The following B4GALNT2 variants were observed in gnomAD, a reference collection of about 807,000 sequenced individuals.
B4GALNT2 encodes the protein N-acetylneuraminylgalactosylglucosyl-glucoside beta-1,4-N- acetylgalactosaminyltransferase 2.
In B4GALNT2, 42 loss-of-function variants were observed where a neutral mutation model predicts 51.1. The ratio of observed to expected loss-of-function variants is 0.82; its 90% CI spans 0.64 to 1.06. The LOEUF is 1.06. B4GALNT2 is among the 50% of genes least tolerant of loss of function. B4GALNT2 has a pLI of 0.00. For missense variants in B4GALNT2, 602 were observed against 633.6 expected, an observed-to-expected ratio of 0.95 and a Z score of 0.54; for synonymous variants, 253 against 251.7, an observed-to-expected ratio of 1.01 and a Z score of -0.05.
chr17:49,148,977 A>G (rs1490690391), intron 3 of B4GALNT2: 2 of 159,330 alleles, frequency 1.3e-5, no homozygotes, highest in Non-Finnish European at 2.7e-5. Context: ...AATCGTCTGA[A>G]CCTGGGCGGT....
intron 1 of B4GALNT2, 56 bp downstream of exon 1, chr17:49,132,862 GC>G: frequency 7.3e-7 from 1 of 1,369,392 alleles, no homozygotes; most frequent in Non-Finnish European, 9.4e-7. Context: ...AGCAGGGAGC[GC>G]CGCGGGTCCT....
At chr17:49,121,289 T>A in the B4GALNT2 span, among the ~76,000 whole-genome samples, 1 of 152,162 alleles carries the variant, frequency 6.6e-6, no homozygotes, top group Non-Finnish European at 1.5e-5. Context: ...CATCACCACC[T>A]TTTTGGGGTG....
chr17:49,162,628 G>T (rs955947294), intron 7 of B4GALNT2, among the ~76,000 whole-genome samples: 1 of 152,138 alleles, frequency 6.6e-6, no homozygotes, highest in East Asian at 1.9e-4. Context: ...AACAGAATGG[G>T]CTGGGCTCAG....
At chr17:49,163,756 CAAAAAAAAAAA>C (rs10589274) in intron 7 of B4GALNT2, among the ~76,000 whole-genome samples, 17 of 91,132 alleles carry the variant, frequency 1.9e-4, no homozygotes, top group African/African-American at 7.0e-4. Context: ...AACTCCGTAT[CAAAAAAAAAAA>C]AAAAAAAAAA....
chr17:49,154,897 C>A (rs570591716), intron 4 of B4GALNT2, among the ~76,000 whole-genome samples: 1 of 152,134 alleles, frequency 6.6e-6, no homozygotes, highest in African/African-American at 2.4e-5. Flanking sequence ...ATTAGTCCTA[C>A]TATGAGAACA....
intron 8 of B4GALNT2, 25 bp downstream of exon 8, chr17:49,164,300 CA>C (rs1430827456): frequency 6.3e-7 from 1 of 1,589,660 alleles, no homozygotes; most frequent in East Asian, 2.2e-5. Flanking sequence ...GATTGGGTGG[CA>C]CCTGCATTCC....
At chr17:49,161,890 A>G (rs1009890798) in intron 7 of B4GALNT2, among the ~76,000 whole-genome samples, 4 of 151,788 alleles carry the variant, frequency 2.6e-5, no homozygotes, top group Admixed American at 1.3e-4. Context: ...TGTAGTTTCA[A>G]AAAACATTCT....
intron 3 of B4GALNT2, 83 bp downstream of exon 3, chr17:49,142,255 A>C: frequency 6.5e-7 from 1 of 1,542,924 alleles, no homozygotes; most frequent in Non-Finnish European, 8.8e-7. Context: ...TCTTAAGAGA[A>C]AAAGCAGGAA....
At chr17:49,146,645 A>G (rs12450183) in intron 3 of B4GALNT2, among the ~76,000 whole-genome samples, 25,084 of 151,914 alleles carry the variant, frequency 0.17, 2,371 homozygotes, top group East Asian at 0.44. Flanking sequence ...ATTGCTGACT[A>G]CTCCATAGGG....
intron 3 of B4GALNT2, chr17:49,148,533 G>T (rs1234621258): frequency 2.4e-5 from 9 of 370,560 alleles, no homozygotes; most frequent in Non-Finnish European, 4.8e-5. Context: ...GCATAAGGTG[G>T]CAAGCACAAT....
rs1168446623 is a variant in B4GALNT2 at position 49,171,897 on chromosome 17, T to C, written c.*2169T>C. The C allele has an allele frequency of 3.2e-6, 1 of 311,918 alleles. No individual in the cohort carries two copies. Among genetic ancestry groups the C allele is most frequent in the Non-Finnish European group, 6.1e-6 (1 of 163,746 alleles). The allele number at this position is 311,918 out of a possible 1,614,324, so 19.3% of individuals were successfully genotyped here. A position where few individuals can be genotyped will look rare whatever the true frequency, so the allele number is the denominator to read the frequency against. Reference sequence around the variant, plus strand: ...GCTTTGCCTCAATTATAGGAGCAGATTTATTATGGTAAATATTAAGAGCAG... The same window carrying C: ...GCTTTGCCTCAATTATAGGAGCAGACTTATTATGGTAAATATTAAGAGCAG... On this transcript the variant is annotated 3_prime_UTR_variant, in exon 11 of 11. Coordinates refer to ENST00000393354, the MANE Select transcript of B4GALNT2 (RefSeq NM_001159387.2).
the B4GALNT2 span, among the ~76,000 whole-genome samples, chr17:49,121,342 G>T: frequency 2.0e-5 from 3 of 152,156 alleles, no homozygotes; most frequent in African/African-American, 7.2e-5. Flanking sequence ...CACTCCTCTT[G>T]GTAGGAATTG....
chr17:49,140,388 C>A (rs145059390), intron 1 of B4GALNT2, among the ~76,000 whole-genome samples: 279 of 152,322 alleles, frequency 1.8e-3, no homozygotes, highest in African/African-American at 6.4e-3. Flanking sequence ...GCATGAGCCA[C>A]CACACCCGGC....
chr17:49,121,791 G>A, the B4GALNT2 span, among the ~76,000 whole-genome samples: 2 of 152,212 alleles, frequency 1.3e-5, no homozygotes, highest in East Asian at 1.9e-4. Context: ...GGCCTGCAGT[G>A]TGATGCACAC....
At chr17:49,120,743 C>A in the B4GALNT2 span, among the ~76,000 whole-genome samples, 1 of 152,144 alleles carries the variant, frequency 6.6e-6, no homozygotes, top group South Asian at 2.1e-4. Context: ...TTCCTGGGTT[C>A]AAGTGATCCA....
chr17:49,168,092 G>C (rs2042927257), intron 9 of B4GALNT2, among the ~76,000 whole-genome samples: 1 of 152,214 alleles, frequency 6.6e-6, no homozygotes, highest in African/African-American at 2.4e-5. Context: ...AACGGGTGAT[G>C]GGGGACAATG....
chr17:49,136,406 AT>A (rs2042590382), intron 1 of B4GALNT2, among the ~76,000 whole-genome samples: 1 of 151,918 alleles, frequency 6.6e-6, no homozygotes, highest in Non-Finnish European at 1.5e-5. Flanking sequence ...ATACAATCGA[AT>A]AAAGTTTTAA....
At chr17:49,165,579 C>G (rs535249690) in intron 8 of B4GALNT2, among the ~76,000 whole-genome samples, 76 of 136,746 alleles carry the variant, frequency 5.6e-4, no homozygotes, top group Non-Finnish European at 9.9e-4. Flanking sequence ...CCTCACCTTT[C>G]TCTCTCCCTC....
rs1414427650 is a variant in B4GALNT2 at position 49,172,780 on chromosome 17, G to T, written c.*3052G>T. The T allele has an allele frequency of 6.6e-6, 1 of 152,094 alleles. No individual in the cohort carries two copies. The highest frequency in any genetic ancestry group is 1.5e-5 in the Non-Finnish European group (1 of 68,016). The allele number at this position is 152,094 out of a possible 1,614,324, so 9.4% of individuals were successfully genotyped here. On this transcript the variant is annotated 3_prime_UTR_variant, in exon 11 of 11. Transcript: ENST00000393354. ...ACTGCAAAAGGTGACGTTTAACACA[G>T]GCAGAAGACTCTCCTGATTGGCATG...
Sources: allele counts gnomAD v4.1 joint callset (sites outside exome capture counted in the v4.1 genomes callset), GRCh38; gene constraint gnomAD v4.1.1; transcripts MANE v1.5; gene names NCBI Gene and HGNC (gene_info 2026-07-23, HGNC 2026-07-21).